MACROD2: variants seen among roughly 807,000 people sequenced by gnomAD.
The protein encoded by MACROD2 is mono-ADP ribosylhydrolase 2.
MACROD2 carries 36 observed loss-of-function variants against 70.4 expected under a neutral mutation model. The ratio of observed to expected loss-of-function variants is 0.51; its 90% CI spans 0.39 to 0.68. MACROD2 has a LOEUF of 0.68. Among genes scored for constraint, MACROD2 ranks in the 30% least tolerant of loss-of-function variants. The pLI is 0.00. For missense variants in MACROD2, 496 were observed against 538.4 expected (o/e 0.92, Z 0.78); for synonymous variants, 172 against 178.8 (o/e 0.96, Z 0.30).
intron 3 of MACROD2, among the ~76,000 whole-genome samples, chr20:14,411,084 T>C (rs59457302): frequency 6.6e-6 from 1 of 152,142 alleles, no homozygotes; most frequent in Non-Finnish European, 1.5e-5. Flanking sequence ...GATCTTAAAG[T>C]GTTTGCTGAT....
At chr20:14,074,595 G>A (rs1355516810) in intron 2 of MACROD2, among the ~76,000 whole-genome samples, 1 of 152,122 alleles carries the variant, frequency 6.6e-6, no homozygotes, top group Non-Finnish European at 1.5e-5. Context: ...TTTCTTCATG[G>A]CTTTTGGTTC....
At chr20:15,358,054 C>T (rs911196497) in intron 6 of MACROD2, among the ~76,000 whole-genome samples, 3 of 151,978 alleles carry the variant, frequency 2.0e-5, no homozygotes, top group Non-Finnish European at 2.9e-5. Flanking sequence ...GTGATCCGCC[C>T]GCTTTGGCCT....
intron 8 of MACROD2, among the ~76,000 whole-genome samples, chr20:15,837,522 G>C (rs943754327): frequency 6.6e-6 from 1 of 152,020 alleles, no homozygotes; most frequent in African/African-American, 2.4e-5. Flanking sequence ...TCATGTTCAG[G>C]TGCTTGTCTG....
chr20:15,501,406 C>T (rs1026015273), intron 8 of MACROD2, among the ~76,000 whole-genome samples: 1 of 152,162 alleles, frequency 6.6e-6, no homozygotes, highest in African/African-American at 2.4e-5. Flanking sequence ...GTCATATCAT[C>T]GAGGATGTAG....
intron 3 of MACROD2, among the ~76,000 whole-genome samples, chr20:14,370,256 TAGC>T (rs1308413399): frequency 2.6e-5 from 4 of 152,116 alleles, no homozygotes; most frequent in Non-Finnish European, 4.4e-5. Context: ...TTTTAATAAT[TAGC>T]AGTTAATGGA....
intron 6 of MACROD2, among the ~76,000 whole-genome samples, chr20:15,248,989 C>G (rs2077130437): frequency 6.6e-6 from 1 of 152,158 alleles, no homozygotes; most frequent in Non-Finnish European, 1.5e-5. Flanking sequence ...AGGGAAGAAG[C>G]AAAACCAATA....
At chr20:15,822,972 G>A (rs919209613) in intron 8 of MACROD2, among the ~76,000 whole-genome samples, 55 of 152,312 alleles carry the variant, frequency 3.6e-4, no homozygotes, top group African/African-American at 1.3e-3. Context: ...CAGCCGGCAC[G>A]TTGGTTTCCA....
intron 5 of MACROD2, among the ~76,000 whole-genome samples, chr20:15,206,174 T>C (rs897271543): frequency 2.0e-5 from 3 of 152,222 alleles, no homozygotes; most frequent in Non-Finnish European, 4.4e-5. Context: ...GGTTTAGGTA[T>C]AAATATTTTA....
intron 1 of MACROD2, among the ~76,000 whole-genome samples, chr20:14,000,728 G>A (rs1321650271): frequency 6.6e-6 from 1 of 152,138 alleles, no homozygotes; most frequent in Admixed American, 6.5e-5. Context: ...AATGTAAATA[G>A]AATTATTTGC....
At chr20:14,935,525 A>G (rs1237060767) in intron 5 of MACROD2, among the ~76,000 whole-genome samples, 2 of 152,176 alleles carry the variant, frequency 1.3e-5, no homozygotes, top group African/African-American at 4.8e-5. Context: ...ATCCCTTGAT[A>G]TAACCACTTC....
intron 5 of MACROD2, among the ~76,000 whole-genome samples, chr20:14,762,646 CA>C (rs2072031698): frequency 6.6e-6 from 1 of 152,048 alleles, no homozygotes; most frequent in African/African-American, 2.4e-5. Context: ...GACAGGCAGA[CA>C]GGCCAGGTGC....
At chr20:15,158,602 A>G (rs2076325740) in intron 5 of MACROD2, among the ~76,000 whole-genome samples, 1 of 152,160 alleles carries the variant, frequency 6.6e-6, no homozygotes, top group Admixed American at 6.5e-5. Flanking sequence ...CAATGACATT[A>G]TCTTCAATTT....
intron 8 of MACROD2, among the ~76,000 whole-genome samples, chr20:15,597,143 G>A (rs773137705): frequency 6.6e-6 from 1 of 152,172 alleles, no homozygotes; most frequent in Non-Finnish European, 1.5e-5. Context: ...GCTGGTATAT[G>A]GTGAATCTCA....
intron 5 of MACROD2, among the ~76,000 whole-genome samples, chr20:15,141,731 A>T (rs2076193887): frequency 1.3e-5 from 2 of 152,272 alleles, no homozygotes; most frequent in South Asian, 4.1e-4. Flanking sequence ...ATGCTGCCAG[A>T]AGGATTTTCT....
At chr20:14,863,797 A>C (rs1167501740) in intron 5 of MACROD2, among the ~76,000 whole-genome samples, 1 of 152,100 alleles carries the variant, frequency 6.6e-6, no homozygotes, top group Non-Finnish European at 1.5e-5. Context: ...CAAAGGCTGT[A>C]AGAGTTTAAG....
At chr20:15,640,009 G>A (rs2049432591) in intron 8 of MACROD2, among the ~76,000 whole-genome samples, 2 of 147,862 alleles carry the variant, frequency 1.4e-5, no homozygotes, top group Admixed American at 6.7e-5. Flanking sequence ...GAGAGAAAGG[G>A]GATGATAGAG....
chr20:15,797,717 T>C (rs376181826), intron 8 of MACROD2, among the ~76,000 whole-genome samples: 1 of 152,162 alleles, frequency 6.6e-6, no homozygotes, highest in African/African-American at 2.4e-5. Flanking sequence ...GCCTTAAAAA[T>C]AATCAGGGTT....
At chr20:14,581,669 T>C (rs1346738280) in intron 4 of MACROD2, among the ~76,000 whole-genome samples, 2 of 152,226 alleles carry the variant, frequency 1.3e-5, no homozygotes, top group Non-Finnish European at 2.9e-5. Context: ...GAGTGCATTT[T>C]AATATGAGCA....
intron 4 of MACROD2, among the ~76,000 whole-genome samples, chr20:14,515,960 TATATAATATATTTTATATAAA>T (rs1206781507): frequency 2.0e-5 from 3 of 147,854 alleles, no homozygotes; most frequent in African/African-American, 7.4e-5. Flanking sequence ...CATTATATAT[TATATAATATATTTTATATAAA>T]ATATAATTTA....
Sources: allele counts gnomAD v4.1 joint callset (sites outside exome capture counted in the v4.1 genomes callset), GRCh38; gene constraint gnomAD v4.1.1; transcripts MANE v1.5; gene names NCBI Gene and HGNC (gene_info 2026-07-23, HGNC 2026-07-21).